PRKCA: variants seen among roughly 807,000 people sequenced by gnomAD.
PRKCA encodes protein kinase C alpha type.
In PRKCA, 27 loss-of-function variants were observed where a neutral mutation model predicts 87.0. The ratio of observed to expected loss-of-function variants is 0.31; its 90% CI spans 0.23 to 0.43. The LOEUF is 0.43. Among genes scored for constraint, PRKCA ranks in the 20% least tolerant of loss-of-function variants. PRKCA has a pLI of 1.00. For missense variants in PRKCA, 518 were observed against 852.3 expected (o/e 0.61, Z 4.88); for synonymous variants, 329 against 311.1 (o/e 1.06, Z -0.61).
chr17:66,504,153 T>C (rs1916867254), intron 3 of PRKCA, among the ~76,000 whole-genome samples: 1 of 152,218 alleles, frequency 6.6e-6, no homozygotes, highest in African/African-American at 2.4e-5. Context: ...AGTTTCATTA[T>C]AGTCCCTCTG....
intron 3 of PRKCA, among the ~76,000 whole-genome samples, chr17:66,579,949 G>A (rs72845935): frequency 0.062 from 9,412 of 152,152 alleles, 376 homozygotes; most frequent in Non-Finnish European, 0.089. Flanking sequence ...ACCTGGTGCA[G>A]GTGTCACTCT....
chr17:66,514,822 C>T (rs543456969), intron 3 of PRKCA, among the ~76,000 whole-genome samples: 1 of 152,218 alleles, frequency 6.6e-6, no homozygotes, highest in African/African-American at 2.4e-5. Context: ...TTTCCATTTA[C>T]ATCATCTTGG....
intron 2 of PRKCA, among the ~76,000 whole-genome samples, chr17:66,463,847 T>C (rs1219061607): frequency 6.6e-6 from 1 of 152,238 alleles, no homozygotes; most frequent in Non-Finnish European, 1.5e-5. Flanking sequence ...GAGTGGTCCA[T>C]TCATTGCAGT....
intron 2 of PRKCA, among the ~76,000 whole-genome samples, chr17:66,465,702 A>G (rs893710877): frequency 6.6e-6 from 1 of 152,016 alleles, no homozygotes; most frequent in Admixed American, 6.6e-5. Flanking sequence ...GCCTGGCCTG[A>G]TATGTTTTAA....
chr17:66,426,626 G>A (rs16959257), intron 2 of PRKCA, among the ~76,000 whole-genome samples: 4,460 of 152,274 alleles, frequency 0.029, 97 homozygotes, highest in Non-Finnish European at 0.045. Flanking sequence ...AAGAACCCCC[G>A]TTTTGTTCAA....
rs2144453668 is a variant in PRKCA, at chr17:66,806,221, T to C, written c.*2184T>C. Reference sequence around the variant, plus strand: ...TCTCCCAGCTAAGCTCGCATTATTTTTCTCCTCTGGCTGTTTGCCTGAAGT... The same window carrying C: ...TCTCCCAGCTAAGCTCGCATTATTTCTCTCCTCTGGCTGTTTGCCTGAAGT... On this transcript the variant is annotated 3_prime_UTR_variant, in exon 17 of 17. Transcript: ENST00000413366. 6.6e-6 allele frequency: 1 copy of C among 152,452 alleles called. No homozygotes were observed. The highest frequency in any genetic ancestry group is 1.9e-4 in the East Asian group (1 of 5,192). 9.4% of individuals were successfully genotyped at this position (152,452 alleles called of 1,614,324 possible). A position where few individuals can be genotyped will look rare whatever the true frequency, so the allele number is the denominator to read the frequency against.
chr17:66,435,171 G>T (rs773850020), intron 2 of PRKCA, among the ~76,000 whole-genome samples: 2 of 152,184 alleles, frequency 1.3e-5, no homozygotes, highest in Non-Finnish European at 2.9e-5. Flanking sequence ...AAGCTTGAGG[G>T]CAAAGAGGGG....
intron 2 of PRKCA, among the ~76,000 whole-genome samples, chr17:66,382,097 A>C (rs1909802839): frequency 6.6e-6 from 1 of 152,118 alleles, no homozygotes; most frequent in South Asian, 2.1e-4. Flanking sequence ...GGTGCAAGGC[A>C]AGGAAGGTTA....
chr17:66,727,937 C>T (rs1973796221), intron 8 of PRKCA, among the ~76,000 whole-genome samples: 1 of 152,206 alleles, frequency 6.6e-6, no homozygotes, highest in African/African-American at 2.4e-5. Context: ...GATGTAGCTG[C>T]TCGGATATCC....
chr17:66,379,120 G>T (rs1454465754), intron 2 of PRKCA, among the ~76,000 whole-genome samples: 4 of 152,116 alleles, frequency 2.6e-5, no homozygotes, highest in African/African-American at 9.7e-5. Flanking sequence ...ATTCAGTTGT[G>T]CATGAGTTTT....
chr17:66,579,069 C>A (rs1969335429), intron 3 of PRKCA, among the ~76,000 whole-genome samples: 1 of 152,218 alleles, frequency 6.6e-6, no homozygotes. Flanking sequence ...CTGCTCGGAG[C>A]ATGTGCACAT....
At chr17:66,471,543 G>C (rs954465965) in intron 2 of PRKCA, among the ~76,000 whole-genome samples, 1 of 152,136 alleles carries the variant, frequency 6.6e-6, no homozygotes, top group African/African-American at 2.4e-5. Flanking sequence ...GAGCAGAACT[G>C]CATTTTGCAG....
intron 2 of PRKCA, chr17:66,415,804 A>AGATGTT (rs1912108959): frequency 1.3e-5 from 2 of 152,196 alleles, no homozygotes; most frequent in African/African-American, 4.8e-5. Context: ...TGGGGATAAC[A>AGATGTT]ACAGTGCCTG....
At chr17:66,691,854 T>C in intron 8 of PRKCA, among the ~76,000 whole-genome samples, 1 of 152,244 alleles carries the variant, frequency 6.6e-6, no homozygotes, top group East Asian at 1.9e-4. Context: ...GACTTAGCTT[T>C]GCTGCTGGAG....
At chr17:66,314,029 A>G (rs760027932) in intron 2 of PRKCA, among the ~76,000 whole-genome samples, 2 of 152,218 alleles carry the variant, frequency 1.3e-5, no homozygotes, top group Non-Finnish European at 2.9e-5. Context: ...AAAGCACCCC[A>G]TAACAGGATG....
intron 5 of PRKCA, among the ~76,000 whole-genome samples, chr17:66,681,333 T>A (rs921078705): frequency 6.6e-6 from 1 of 152,106 alleles, no homozygotes; most frequent in Admixed American, 6.5e-5. Flanking sequence ...TATTTTTTTT[T>A]AATTGCAAAT....
intron 5 of PRKCA, among the ~76,000 whole-genome samples, chr17:66,668,519 A>C (rs1394195068): frequency 6.6e-6 from 1 of 152,246 alleles, no homozygotes; most frequent in East Asian, 1.9e-4. Context: ...ACTAAGAGCC[A>C]TGAACATCAA....
chr17:66,338,701 G>A (rs1906854300), intron 2 of PRKCA, among the ~76,000 whole-genome samples: 1 of 152,152 alleles, frequency 6.6e-6, no homozygotes, highest in African/African-American at 2.4e-5. Flanking sequence ...GGAGCCTACA[G>A]TGGGAGAAGG....
intron 8 of PRKCA, among the ~76,000 whole-genome samples, chr17:66,722,043 T>A (rs1244982125): frequency 6.6e-6 from 1 of 152,126 alleles, no homozygotes; most frequent in Non-Finnish European, 1.5e-5. Flanking sequence ...GATTCTTAAC[T>A]GTAGATGAAT....
Sources: gnomAD v4.1 joint callset for allele counts (sites outside exome capture counted in the v4.1 genomes callset) on GRCh38, gnomAD v4.1.1 for gene constraint, MANE v1.5 for transcripts, NCBI Gene and HGNC (gene_info 2026-07-23, HGNC 2026-07-21) for gene names.